Variants in RIMS1 observed in about 807,000 individuals in gnomAD.
The protein encoded by RIMS1 is regulating synaptic membrane exocytosis 1.
A neutral mutation model predicts 214.1 loss-of-function variants in RIMS1; 83 were observed. That is an observed-to-expected ratio of 0.39 (90% CI 0.32 to 0.47). The LOEUF (loss-of-function observed/expected upper bound fraction) is 0.47. RIMS1 is among the 20% of genes least tolerant of loss of function. The pLI is 0.99. For synonymous variants in RIMS1, 793 were observed against 786.8 expected, an observed-to-expected ratio of 1.01 and a Z score of -0.13; for missense variants, 2,050 against 2,161.8, an observed-to-expected ratio of 0.95 and a Z score of 1.03.
At chr6:71,960,204 A>G (rs975828711) in intron 1 of RIMS1, among the ~76,000 whole-genome samples, 2 of 152,132 alleles carry the variant, frequency 1.3e-5, no homozygotes, top group Non-Finnish European at 2.9e-5. Flanking sequence ...CCTACTAAAC[A>G]ATCTCTCACC....
chr6:72,211,214 C>T (rs2053752018), intron 6 of RIMS1, among the ~76,000 whole-genome samples: 1 of 152,128 alleles, frequency 6.6e-6, no homozygotes. Flanking sequence ...AGAGTTTGTC[C>T]TGCTATTGTT....
intron 2 of RIMS1, among the ~76,000 whole-genome samples, chr6:72,005,336 A>T (rs1807073326): frequency 6.6e-6 from 1 of 152,132 alleles, no homozygotes; most frequent in African/African-American, 2.4e-5. Context: ...TTGGCTTAGG[A>T]TTGACTTGGC....
intron 29 of RIMS1, among the ~76,000 whole-genome samples, chr6:72,376,208 A>G (rs2098373700): frequency 6.6e-6 from 1 of 152,218 alleles, no homozygotes; most frequent in Non-Finnish European, 1.5e-5. Context: ...ACCAGTCATT[A>G]CAATATGTGC....
At chr6:72,252,576 A>G (rs1214480765) in intron 15 of RIMS1, among the ~76,000 whole-genome samples, 185 bp from the exon 16 acceptor site, 1 of 152,242 alleles carries the variant, frequency 6.6e-6, no homozygotes, top group Non-Finnish European at 1.5e-5. Context: ...GGAAAAAAAT[A>G]CTGATAAAAT....
intron 2 of RIMS1, among the ~76,000 whole-genome samples, chr6:72,088,759 A>G (rs1235515062): frequency 6.6e-6 from 1 of 152,124 alleles, no homozygotes; most frequent in Non-Finnish European, 1.5e-5. Flanking sequence ...AGTAATACTA[A>G]TTTTCTATGA....
At chr6:72,149,010 C>T (rs150021837) in intron 4 of RIMS1, among the ~76,000 whole-genome samples, 182 of 152,108 alleles carry the variant, frequency 1.2e-3, no homozygotes, top group African/African-American at 3.6e-3. Flanking sequence ...AAAAATCTGC[C>T]ACGTAGAAAA....
intron 2 of RIMS1, among the ~76,000 whole-genome samples, chr6:72,013,986 G>T (rs985675634): frequency 6.6e-6 from 1 of 151,916 alleles, no homozygotes; most frequent in African/African-American, 2.4e-5. Flanking sequence ...CACAATATAT[G>T]GTCTTTTATG....
intron 2 of RIMS1, among the ~76,000 whole-genome samples, chr6:72,074,338 G>A (rs971135714): frequency 1.2e-4 from 18 of 152,298 alleles, no homozygotes; most frequent in African/African-American, 4.3e-4. Flanking sequence ...GGCAGAAGCA[G>A]AAATACTAAA....
At chr6:71,950,319 A>G (rs972555655) in intron 1 of RIMS1, among the ~76,000 whole-genome samples, 6 of 152,144 alleles carry the variant, frequency 3.9e-5, no homozygotes, top group Non-Finnish European at 5.9e-5. Flanking sequence ...TTGTTAAAGC[A>G]TCTCTAACCG....
chr6:72,372,297 A>G (rs1353801749), intron 29 of RIMS1, among the ~76,000 whole-genome samples: 2 of 152,222 alleles, frequency 1.3e-5, no homozygotes, highest in South Asian at 2.1e-4. Context: ...ATATATTTCC[A>G]TGGCATTTAA....
At chr6:72,004,734 A>G (rs1806756789) in intron 2 of RIMS1, among the ~76,000 whole-genome samples, 1 of 151,442 alleles carries the variant, frequency 6.6e-6, no homozygotes, top group Admixed American at 6.6e-5. Context: ...TTTTTCTTGT[A>G]AATTTGTTTG....
At chr6:71,978,303 C>A (rs989867500) in intron 2 of RIMS1, among the ~76,000 whole-genome samples, 1 of 152,086 alleles carries the variant, frequency 6.6e-6, no homozygotes, top group African/African-American at 2.4e-5. Flanking sequence ...ACTTGTATTA[C>A]TGTAGGTATA....
intron 2 of RIMS1, among the ~76,000 whole-genome samples, chr6:72,045,096 T>G (rs1200561184): frequency 6.6e-6 from 1 of 151,802 alleles, no homozygotes; most frequent in East Asian, 1.9e-4. Flanking sequence ...GAAGTCAGAC[T>G]CAAAAGGCTA....
At chr6:72,259,177 T>A in intron 18 of RIMS1, 66 bp downstream of exon 18, 1 of 1,387,218 alleles carries the variant, frequency 7.2e-7, no homozygotes. Context: ...ATACAGATAT[T>A]GTGGCATAGC....
intron 2 of RIMS1, among the ~76,000 whole-genome samples, chr6:72,091,814 T>G (rs1303672251): frequency 1.3e-5 from 2 of 152,208 alleles, no homozygotes; most frequent in African/African-American, 4.8e-5. Flanking sequence ...AATTTAAATC[T>G]GTGATTTGTG....
intron 6 of RIMS1, among the ~76,000 whole-genome samples, chr6:72,190,319 C>T (rs1031954150): frequency 3.9e-5 from 6 of 151,904 alleles, no homozygotes; most frequent in African/African-American, 1.2e-4. Flanking sequence ...CAAAATTAGC[C>T]GGGCATATTG....
At chr6:72,119,707 G>T (rs763656134) in intron 4 of RIMS1, among the ~76,000 whole-genome samples, 1 of 151,622 alleles carries the variant, frequency 6.6e-6, no homozygotes, top group Non-Finnish European at 1.5e-5. Context: ...ACAATGTGCA[G>T]GTTTGTTACA....
Position 72,313,622 on chromosome 6 carries a change from C to A in RIMS1, c.4080C>A (p.Ser1360Arg), listed in dbSNP as rs779578670. ...GAACCAGCAGTGCCTCACGCCTCAG[C>A]AGCACAAGCTTTATGTCAGAGCAAT... is the stretch of plus-strand genomic sequence containing the variant. ...ISRTSSASRLSSTSFMSEQSE... is the reference protein window; with the variant it reads ...ISRTSSASRLRSTSFMSEQSE... Residue 1360 changes from serine to arginine, a missense_variant, in exon 28 of 34, where the codon AGC becomes AGA. This residue lies in a region of RIMS1 where 889 missense variants were observed against 885.5 expected (regional missense o/e 1.00). Transcript: ENST00000521978. The A allele has an allele frequency of 6.2e-7, 1 of 1,613,496 alleles. No individual in the cohort carries two copies. The highest frequency in any genetic ancestry group is 8.5e-7 in the Non-Finnish European group (1 of 1,179,694).
intron 28 of RIMS1, chr6:72,317,328 C>T (rs962205566): frequency 1.6e-5 from 4 of 254,462 alleles, no homozygotes; most frequent in Non-Finnish European, 2.3e-5. Context: ...GCCACCATAG[C>T]GACTCTGCTG....
Sources: gnomAD v4.1 joint callset for allele counts (sites outside exome capture counted in the v4.1 genomes callset) on GRCh38, gnomAD v4.1.1 for gene constraint, gnomAD v4.1.1 regional missense constraint, MANE v1.5 for transcripts, NCBI Gene and HGNC (gene_info 2026-07-23, HGNC 2026-07-21) for gene names.